The following CAST variants were observed in gnomAD, a reference collection of about 807,000 sequenced individuals.
CAST encodes the protein calpastatin.
Under a neutral mutation model 119.6 loss-of-function variants are expected in CAST, and 76 were observed. The ratio of observed to expected loss-of-function variants is 0.64; its 90% CI spans 0.53 to 0.77. The LOEUF (loss-of-function observed/expected upper bound fraction) is 0.77, where lower values mean the gene tolerates loss of function less well. Ranked by LOEUF, CAST falls within the 30% of genes least tolerant of loss-of-function variation. CAST has a pLI of 0.00. For synonymous variants in CAST, 319 were observed against 331.6 expected (o/e 0.96, Z 0.41); for missense variants, 953 against 946.5 (o/e 1.01, Z -0.09).
At chr5:96,035,528 C>T in the CAST span, among the ~76,000 whole-genome samples, 1 of 151,770 alleles carries the variant, frequency 6.6e-6, no homozygotes, top group East Asian at 1.9e-4. Context: ...ACAAGGAATC[C>T]TAAAATTCTT....
At chr5:96,542,263 A>T (rs918875044) in intron 1 of CAST, among the ~76,000 whole-genome samples, 2 of 150,544 alleles carry the variant, frequency 1.3e-5, no homozygotes, top group Admixed American at 1.3e-4. Context: ...GTGAGCCGAG[A>T]TCGCGCCACT....
the CAST span, among the ~76,000 whole-genome samples, chr5:96,109,606 G>A: frequency 6.6e-6 from 1 of 152,196 alleles, no homozygotes; most frequent in African/African-American, 2.4e-5. Context: ...TTTCTGAGCA[G>A]GAGTGGGGGT....
At chr5:96,083,481 C>T in the CAST span, among the ~76,000 whole-genome samples, 1 of 152,160 alleles carries the variant, frequency 6.6e-6, no homozygotes, top group Non-Finnish European at 1.5e-5. Context: ...CCCTCCCTTT[C>T]CCAGAAGTGG....
chr5:96,214,671 G>A, the CAST span, among the ~76,000 whole-genome samples: 3 of 152,142 alleles, frequency 2.0e-5, no homozygotes, highest in Admixed American at 2.0e-4. Flanking sequence ...GCAGTGAGAG[G>A]AGAGAAAATT....
the CAST span, among the ~76,000 whole-genome samples, chr5:95,972,152 A>C: frequency 6.6e-6 from 1 of 151,880 alleles, no homozygotes; most frequent in Non-Finnish European, 1.5e-5. Context: ...TTGTAGATAT[A>C]AGGTCTCACT....
chr5:96,495,494 A>G, the CAST span, among the ~76,000 whole-genome samples: 2 of 152,024 alleles, frequency 1.3e-5, no homozygotes, highest in African/African-American at 4.8e-5. Flanking sequence ...GTTCAGCTCC[A>G]CTTATGAGTG....
intron 3 of CAST, among the ~76,000 whole-genome samples, chr5:96,717,090 T>G (rs1757321960): frequency 6.6e-6 from 1 of 152,206 alleles, no homozygotes; most frequent in Non-Finnish European, 1.5e-5. Context: ...AACAAAAATG[T>G]GAATCAACTG....
the CAST span, among the ~76,000 whole-genome samples, chr5:96,519,912 T>A: frequency 6.6e-6 from 1 of 152,248 alleles, no homozygotes; most frequent in Non-Finnish European, 1.5e-5. Context: ...TGGCCTTACT[T>A]TCTAATCCTT....
the CAST span, among the ~76,000 whole-genome samples, chr5:96,065,401 CTGTGTGTGTGTG>C: frequency 2.7e-5 from 4 of 149,172 alleles, 1 homozygote; most frequent in Admixed American, 2.7e-4. Flanking sequence ...GGTTAATGAT[CTGTGTGTGTGTG>C]TGTGTGTGTG....
intron 4 of CAST, among the ~76,000 whole-genome samples, chr5:96,723,480 G>A (rs1340816055): frequency 6.6e-6 from 1 of 152,128 alleles, no homozygotes; most frequent in East Asian, 1.9e-4. Context: ...GCTTTCCCAA[G>A]TTGTTTTTTC....
At chr5:96,752,684 A>C (rs1765378253) in intron 20 of CAST, among the ~76,000 whole-genome samples, 2 of 143,630 alleles carry the variant, frequency 1.4e-5, no homozygotes. Flanking sequence ...TTTGCAGTGC[A>C]GTTTATCAGA....
intron 1 of CAST, among the ~76,000 whole-genome samples, chr5:96,570,976 C>A (rs1187552052): frequency 1.3e-5 from 2 of 152,222 alleles, no homozygotes; most frequent in East Asian, 3.9e-4. Flanking sequence ...GAATTTGGGG[C>A]AATTCTGCAT....
At chr5:96,494,391 T>C in the CAST span, among the ~76,000 whole-genome samples, 2 of 152,140 alleles carry the variant, frequency 1.3e-5, no homozygotes, top group Non-Finnish European at 2.9e-5. Context: ...AGTTTTGATA[T>C]AAAGACATGG....
At chr5:96,408,369 G>A in the CAST span, 5 of 1,378,214 alleles carry the variant, frequency 3.6e-6, no homozygotes, top group Non-Finnish European at 5.2e-6. Flanking sequence ...AACACGTGAG[G>A]AGTGTGGGCC....
chr5:96,253,392 C>G, the CAST span, among the ~76,000 whole-genome samples: 1 of 152,092 alleles, frequency 6.6e-6, no homozygotes, highest in African/African-American at 2.4e-5. Flanking sequence ...CATAAAATCT[C>G]TGGGGGTGGG....
chr5:95,978,525 CT>C, the CAST span, among the ~76,000 whole-genome samples: 3 of 151,126 alleles, frequency 2.0e-5, no homozygotes, highest in Admixed American at 2.0e-4. Context: ...TTGTTTGTTT[CT>C]TTTAGATGCT....
chr5:96,541,103 T>C (rs1246319945), intron 1 of CAST, among the ~76,000 whole-genome samples: 1 of 152,220 alleles, frequency 6.6e-6, no homozygotes, highest in Non-Finnish European at 1.5e-5. Context: ...AATATCTACA[T>C]AACTTACTTG....
At chr5:96,106,735 A>G in the CAST span, among the ~76,000 whole-genome samples, 3 of 151,898 alleles carry the variant, frequency 2.0e-5, no homozygotes, top group Non-Finnish European at 4.4e-5. Flanking sequence ...GATGTCTATT[A>G]GGTCCACTTG....
At chr5:95,977,717 G>A in the CAST span, among the ~76,000 whole-genome samples, 2 of 149,536 alleles carry the variant, frequency 1.3e-5, no homozygotes, top group African/African-American at 5.1e-5. Context: ...CTCATGTCAT[G>A]GGGGTTTGTT....
Sources: allele counts gnomAD v4.1 joint callset (sites outside exome capture counted in the v4.1 genomes callset), GRCh38; gene constraint gnomAD v4.1.1; transcripts MANE v1.5; gene names NCBI Gene and HGNC (gene_info 2026-07-23, HGNC 2026-07-21).